DCBLD2: variants seen among roughly 807,000 people sequenced by gnomAD.
DCBLD2 encodes discoidin, CUB and LCCL domain-containing protein 2.
Under a neutral mutation model 86.8 loss-of-function variants are expected in DCBLD2, and 54 were observed. That is an observed-to-expected ratio of 0.62 (90% CI 0.50 to 0.78). The LOEUF (loss-of-function observed/expected upper bound fraction) is 0.78. DCBLD2 is among the 30% of genes least tolerant of loss of function. The pLI is 0.00. For missense variants in DCBLD2, 908 were observed against 954.2 expected (o/e 0.95, Z 0.64); for synonymous variants, 354 against 341.3 (o/e 1.04, Z -0.41).
intron 13 of DCBLD2, among the ~76,000 whole-genome samples, chr3:98,803,756 G>C (rs1001828232): frequency 1.3e-5 from 2 of 152,186 alleles, no homozygotes; most frequent in Non-Finnish European, 2.9e-5. Flanking sequence ...TAGCATGAAG[G>C]GTTGTTGAAT....
chr3:98,876,412 T>TAAAA (rs60681986), intron 2 of DCBLD2, among the ~76,000 whole-genome samples: 4 of 47,532 alleles, frequency 8.4e-5, no homozygotes, highest in African/African-American at 3.2e-4. Flanking sequence ...AGATAAAAAG[T>TAAAA]AAAAAAAAAA....
At chr3:98,820,699 C>T (rs1460449256) in intron 6 of DCBLD2, 1 of 152,172 alleles carries the variant, frequency 6.6e-6, no homozygotes, top group Non-Finnish European at 1.5e-5. Flanking sequence ...AGGTCTAATT[C>T]TCAGAGAATG....
intron 1 of DCBLD2, chr3:98,900,893 C>T (rs1463267504): frequency 1.4e-6 from 1 of 699,236 alleles, no homozygotes; most frequent in Non-Finnish European, 2.3e-6. Context: ...TCACGTCCCC[C>T]TTTCAGAAAA....
chr3:98,866,810 G>T (rs1189969946), intron 2 of DCBLD2, among the ~76,000 whole-genome samples: 1 of 152,136 alleles, frequency 6.6e-6, no homozygotes, highest in Non-Finnish European at 1.5e-5. Context: ...GTACTGCCTA[G>T]GTTTTCTTCT....
chr3:98,859,819 C>G (rs1943005979), intron 2 of DCBLD2, among the ~76,000 whole-genome samples: 1 of 152,212 alleles, frequency 6.6e-6, no homozygotes, highest in African/African-American at 2.4e-5. Flanking sequence ...CAGAGCACCT[C>G]TCCCCCCACA....
chr3:98,842,545 T>C (rs949376281), intron 3 of DCBLD2, among the ~76,000 whole-genome samples: 1 of 152,214 alleles, frequency 6.6e-6, no homozygotes, highest in African/African-American at 2.4e-5. Context: ...TCTCTCCTTT[T>C]ACATACTGAG....
At chr3:98,896,609 T>C (rs1010300029) in intron 1 of DCBLD2, among the ~76,000 whole-genome samples, 2 of 152,230 alleles carry the variant, frequency 1.3e-5, no homozygotes, top group Admixed American at 6.5e-5. Context: ...AAAGGAAAGT[T>C]AAAAATTATA....
chr3:98,822,378 G>C lies in DCBLD2; in HGVS notation c.697-17C>G. 1 of 1,601,314 alleles carries C rather than the reference G, an allele frequency of 6.2e-7. No homozygotes were observed. The highest frequency in any genetic ancestry group is 1.1e-5 in the South Asian group (1 of 87,878). ...TGGCGAGGACTTAAGGAAGGGAAAA[G>C]AAAAGATTCATTTTTAATTTTCTCT... On this transcript the variant is annotated splice_polypyrimidine_tract_variant and intron_variant, in intron 5 of 15. Coordinates refer to ENST00000326840, the MANE Select transcript of DCBLD2 (RefSeq NM_080927.4).
rs145246469 is a variant in DCBLD2, at chr3:98,877,341, C to T, written c.433+4199G>A. Among the ~76,000 whole-genome samples, 924 of 152,188 alleles carry T rather than the reference C, an allele frequency of 6.1e-3. 6 individuals carry two copies. The highest frequency in any genetic ancestry group is 0.019 in the African/African-American group (777 of 41,524). The stretch of plus-strand genomic sequence containing the variant: ...TATTTAGACTCTAAGTCCTCAGGTA[C>T]GAATTCTAGGTAGCAGGCTTCTTTC... On this transcript the variant is annotated intron_variant, in intron 2 of 15. Transcript: ENST00000326840.
At position 98,817,871 on chromosome 3, in the gene DCBLD2, GGTGGATCCA is replaced by G; in HGVS notation, c.1101_1109del (p.Gly368_Thr370del). 1 of 1,613,460 alleles carries G rather than the reference GGTGGATCCA, an allele frequency of 6.2e-7. No individual in the cohort carries two copies. Among genetic ancestry groups the G allele is most frequent in the Non-Finnish European group, 8.5e-7 (1 of 1,179,574 alleles). ...ACACATAGTAATTGTGCTCCACCATGGTGGATCCAGTGGTTATAATGCCTGGGGAATGAA... is the reference window on the plus strand; with the variant it reads ...ACACATAGTAATTGTGCTCCACCATGGTGGTTATAATGCCTGGGGAATGAA... On this transcript the variant is annotated inframe_deletion, in exon 9 of 16. Transcript: ENST00000326840.
intron 10 of DCBLD2, among the ~76,000 whole-genome samples, 191 bp from the exon 11 acceptor site, chr3:98,811,745 TCA>T (rs1941942984): frequency 6.6e-6 from 1 of 152,190 alleles, no homozygotes; most frequent in South Asian, 2.1e-4. Flanking sequence ...CCAGGATTTC[TCA>T]GTTTTTAAAT....
At chr3:98,890,097 T>G (rs942641177) in intron 1 of DCBLD2, among the ~76,000 whole-genome samples, 1 of 152,184 alleles carries the variant, frequency 6.6e-6, no homozygotes. Flanking sequence ...TGTTGCGGGT[T>G]GAATTGTGTC....
At chr3:98,892,565 A>G (rs1188188423) in intron 1 of DCBLD2, among the ~76,000 whole-genome samples, 1 of 152,110 alleles carries the variant, frequency 6.6e-6, no homozygotes, top group Admixed American at 6.6e-5. Context: ...AGCCTTCGGG[A>G]TTGCCAGCAG....
intron 2 of DCBLD2, among the ~76,000 whole-genome samples, chr3:98,875,512 A>T (rs1350585586): frequency 6.6e-6 from 1 of 152,184 alleles, no homozygotes; most frequent in Non-Finnish European, 1.5e-5. Flanking sequence ...GTCAATAAAA[A>T]CACCAACGAG....
At chr3:98,876,792 A>G (rs1943379868) in intron 2 of DCBLD2, among the ~76,000 whole-genome samples, 1 of 152,236 alleles carries the variant, frequency 6.6e-6, no homozygotes, top group Non-Finnish European at 1.5e-5. Flanking sequence ...GATTAAATAA[A>G]CTATGATACA....
intron 2 of DCBLD2, among the ~76,000 whole-genome samples, chr3:98,857,445 AGTCCATTTTACAGAGAGCCGACTG>A (rs570105159): frequency 0.052 from 7,848 of 152,188 alleles, 209 homozygotes; most frequent in Middle Eastern, 0.068. Context: ...TCTGCTGATT[AGTCCATTTTACAGAGAGCCGACTG>A]GTCCATTTTA....
intron 4 of DCBLD2, 130 bp downstream of exon 4, chr3:98,825,185 A>C: frequency 1.6e-6 from 1 of 635,272 alleles, no homozygotes; most frequent in Non-Finnish European, 2.4e-6. Flanking sequence ...AATTTATTGA[A>C]GTCTCGGAAC....
At chr3:98,804,180 CT>C (rs1269138207) in intron 13 of DCBLD2, among the ~76,000 whole-genome samples, 1 of 152,066 alleles carries the variant, frequency 6.6e-6, no homozygotes, top group Non-Finnish European at 1.5e-5. Context: ...TGGTCCTGGA[CT>C]TTTTTTGGTT....
chr3:98,800,819 C>A, intron 14 of DCBLD2, 103 bp from the exon 15 acceptor site: 19 of 1,434,030 alleles, frequency 1.3e-5, no homozygotes, highest in Admixed American at 2.1e-5. Flanking sequence ...ATTTCTATAA[C>A]AAATATCTCT....
Sources: gnomAD v4.1 joint callset for allele counts (sites outside exome capture counted in the v4.1 genomes callset) on GRCh38, gnomAD v4.1.1 for gene constraint, MANE v1.5 for transcripts, NCBI Gene and HGNC (gene_info 2026-07-23, HGNC 2026-07-21) for gene names.